DENND5A: variants seen among roughly 807,000 people sequenced by gnomAD.
DENND5A encodes DENN domain containing 5A.
DENND5A carries 64 observed loss-of-function variants against 140.3 expected under a neutral mutation model. That is an observed-to-expected ratio of 0.46 (90% CI 0.37 to 0.56). The LOEUF is 0.56. DENND5A is among the 20% of genes least tolerant of loss of function. The probability of loss-of-function intolerance (pLI) is 0.00; values close to 1 mark genes in which losing one functional copy is unlikely to be tolerated. For synonymous variants in DENND5A, 605 were observed against 607.7 expected (o/e 1.00, Z 0.07); for missense variants, 1,292 against 1,593.8 (o/e 0.81, Z 3.22).
At chr11:9,253,307 G>C (rs538374404) in intron 1 of DENND5A, among the ~76,000 whole-genome samples, 2 of 152,248 alleles carry the variant, frequency 1.3e-5, no homozygotes, top group African/African-American at 4.8e-5. Flanking sequence ...GGAAGGAAGG[G>C]CTGAGCAGAC....
intron 10 of DENND5A, 58 bp downstream of exon 10, chr11:9,169,798 G>A: frequency 3.8e-6 from 4 of 1,056,786 alleles, no homozygotes; most frequent in South Asian, 1.3e-5. Flanking sequence ...AAATGAGAAA[G>A]AGAAGGAGTG....
intron 1 of DENND5A, among the ~76,000 whole-genome samples, chr11:9,237,744 G>C (rs746292540): frequency 1.3e-5 from 2 of 152,006 alleles, no homozygotes; most frequent in Non-Finnish European, 2.9e-5. Flanking sequence ...TTAGCCGGGC[G>C]TGGTGGCAAG....
intron 11 of DENND5A, among the ~76,000 whole-genome samples, chr11:9,165,434 C>T (rs1192807338): frequency 7.0e-6 from 1 of 142,232 alleles, no homozygotes; most frequent in Non-Finnish European, 1.5e-5. Context: ...AGTACTGTCT[C>T]ATTATATTAA....
chr11:9,182,215 C>G (rs1043677344), intron 5 of DENND5A, among the ~76,000 whole-genome samples: 1 of 152,126 alleles, frequency 6.6e-6, no homozygotes, highest in East Asian at 1.9e-4. Context: ...ACTCGGGAGG[C>G]TGAGGCAGAA....
chr11:9,191,271 G>A (rs527642968), intron 5 of DENND5A, among the ~76,000 whole-genome samples: 21 of 151,826 alleles, frequency 1.4e-4, no homozygotes, highest in South Asian at 4.1e-4. Context: ...GTGCAGTGGC[G>A]CGATCCACCC....
At chr11:9,264,386 G>A (rs899021426) in intron 1 of DENND5A, among the ~76,000 whole-genome samples, 1 of 151,986 alleles carries the variant, frequency 6.6e-6, no homozygotes, top group Non-Finnish European at 1.5e-5. Flanking sequence ...CCTTTCCAAG[G>A]CTAAGGGAGT....
At chr11:9,165,436 T>C (rs187379045) in intron 11 of DENND5A, among the ~76,000 whole-genome samples, 2 of 137,970 alleles carry the variant, frequency 1.4e-5, no homozygotes, top group African/African-American at 5.9e-5. Context: ...TACTGTCTCA[T>C]TATATTAACG....
chr11:9,168,133 C>A (rs1214531461), intron 10 of DENND5A, among the ~76,000 whole-genome samples: 2 of 145,738 alleles, frequency 1.4e-5, no homozygotes, highest in Non-Finnish European at 1.5e-5. Flanking sequence ...TCCTTGATAC[C>A]TCAGTGATAT....
intron 1 of DENND5A, among the ~76,000 whole-genome samples, chr11:9,208,320 A>G (rs1849760095): frequency 6.6e-6 from 1 of 152,238 alleles, no homozygotes; most frequent in Non-Finnish European, 1.5e-5. Flanking sequence ...GTACACTTGC[A>G]CAGGGTCCTG....
chr11:9,237,692 C>A (rs1257619920), intron 1 of DENND5A, among the ~76,000 whole-genome samples: 1 of 152,110 alleles, frequency 6.6e-6, no homozygotes, highest in African/African-American at 2.4e-5. Context: ...TCGAGACCAG[C>A]CTGACCAACT....
At chr11:9,193,714 C>T in intron 4 of DENND5A, 33 bp from the exon 5 acceptor site, 2 of 1,557,938 alleles carry the variant, frequency 1.3e-6, no homozygotes, top group African/African-American at 1.4e-5. Flanking sequence ...AGCACACACA[C>T]AAATCAGTCA....
chr11:9,156,870 T>TGGAAGGAA (rs3074636), intron 12 of DENND5A, among the ~76,000 whole-genome samples: 2,773 of 142,614 alleles, frequency 0.019, 43 homozygotes, highest in African/African-American at 0.033. Flanking sequence ...GAAGGATGGA[T>TGGAAGGAA]GGAAGGAAGG....
At chr11:9,164,480 T>C (rs1172280148) in intron 11 of DENND5A, among the ~76,000 whole-genome samples, 2 of 152,074 alleles carry the variant, frequency 1.3e-5, no homozygotes, top group Non-Finnish European at 2.9e-5. Flanking sequence ...TTTTATTCCA[T>C]TGATAAATAA....
chr11:9,184,382 G>C (rs547180828), intron 5 of DENND5A, among the ~76,000 whole-genome samples: 1 of 152,102 alleles, frequency 6.6e-6, no homozygotes, highest in African/African-American at 2.4e-5. Flanking sequence ...CATTTCAGTT[G>C]TTTTTTGTTT....
Position 9,178,240 on chromosome 11 carries a change from C to T in DENND5A, c.1798G>A (p.Val600Ile). 1.9e-6 allele frequency: 3 copies of T among 1,613,962 alleles called. No individual in the cohort carries two copies. The highest frequency in any genetic ancestry group is 1.7e-6 in the Non-Finnish European group (2 of 1,179,878). ...ACTCGGGAATCAAATACCCGGAGTACAGGGTCTTTATCATCATCATCATGA... is the reference window on the plus strand; with the variant it reads ...ACTCGGGAATCAAATACCCGGAGTATAGGGTCTTTATCATCATCATCATGA... ...MCHDDDDKDPVLRVFDSRVDK... is the reference protein window; with the variant it reads ...MCHDDDDKDPILRVFDSRVDK... Residue 600 changes from valine (V) to isoleucine (I), a missense_variant, in exon 8 of 23, where the codon GTA becomes ATA. By Grantham distance (29) the Val-to-Ile change is conservative (BLOSUM62 3). Coordinates refer to ENST00000328194, the MANE Select transcript of DENND5A (RefSeq NM_015213.4).
intron 5 of DENND5A, among the ~76,000 whole-genome samples, chr11:9,187,819 G>A (rs192214913): frequency 6.6e-6 from 1 of 152,290 alleles, no homozygotes; most frequent in East Asian, 1.9e-4. Flanking sequence ...ACTTGCTCAG[G>A]GCCAGCTGAG....
intron 3 of DENND5A, among the ~76,000 whole-genome samples, chr11:9,205,738 A>G (rs6486206): frequency 6.6e-6 from 1 of 151,982 alleles, no homozygotes; most frequent in Non-Finnish European, 1.5e-5. Flanking sequence ...ATAAAAAAAA[A>G]ATCCAAAAAG....
intron 8 of DENND5A, among the ~76,000 whole-genome samples, chr11:9,173,319 A>C (rs2136163243): frequency 6.6e-6 from 1 of 152,352 alleles, no homozygotes. Flanking sequence ...TCTACAGAAA[A>C]GAAAGAAGAG....
intron 1 of DENND5A, chr11:9,242,579 C>T (rs1590326776): frequency 6.6e-6 from 1 of 152,172 alleles, no homozygotes; most frequent in African/African-American, 2.4e-5. Flanking sequence ...TAGTCTCGGG[C>T]ATGTTATTCA....
Sources: allele counts gnomAD v4.1 joint callset (sites outside exome capture counted in the v4.1 genomes callset), GRCh38; gene constraint gnomAD v4.1.1; transcripts MANE v1.5; gene names NCBI Gene and HGNC (gene_info 2026-07-23, HGNC 2026-07-21).